Variants in LRPAP1 observed in about 807,000 individuals in gnomAD.
LRPAP1 encodes the protein alpha-2-macroglobulin receptor-associated protein.
LRPAP1 carries 41 observed loss-of-function variants against 39.9 expected under a neutral mutation model. The ratio of observed to expected loss-of-function variants is 1.03; its 90% CI spans 0.80 to 1.33. The LOEUF is 1.33. Among genes scored for constraint, LRPAP1 ranks in the 40% most tolerant of loss-of-function variants. The pLI, the probability that LRPAP1 is intolerant of heterozygous loss-of-function variation, is 0.00. For synonymous variants in LRPAP1, 263 were observed against 212.7 expected (o/e 1.24, Z -2.06); for missense variants, 565 against 482.3 (o/e 1.17, Z -1.61).
At chr4:3,529,423 G>A (rs1164631338) in intron 1 of LRPAP1, among the ~76,000 whole-genome samples, 2 of 152,222 alleles carry the variant, frequency 1.3e-5, no homozygotes, top group Admixed American at 1.3e-4. Flanking sequence ...GTACACGAGT[G>A]TGTCCCTGAG....
intron 1 of LRPAP1, among the ~76,000 whole-genome samples, chr4:3,531,187 C>T (rs1401036496): frequency 1.3e-5 from 2 of 152,128 alleles, no homozygotes; most frequent in Non-Finnish European, 2.9e-5. Context: ...ACTGCTGGTC[C>T]CAGGAGCAGT....
At chr4:3,524,022 T>C (rs941163555) in intron 2 of LRPAP1, among the ~76,000 whole-genome samples, 4 of 151,942 alleles carry the variant, frequency 2.6e-5, no homozygotes, top group African/African-American at 7.3e-5. Context: ...GGGGCAGCAG[T>C]TGGGTGGAGG....
At chr4:3,532,084 G>C in intron 1 of LRPAP1, 125 bp downstream of exon 1, 2 of 1,079,802 alleles carry the variant, frequency 1.9e-6, no homozygotes, top group Admixed American at 5.2e-5. Flanking sequence ...CAAGGACAGG[G>C]CGCGTAGGGC....
chr4:3,527,909 C>T (rs747894886), intron 1 of LRPAP1, among the ~76,000 whole-genome samples: 47 of 152,224 alleles, frequency 3.1e-4, no homozygotes, highest in Non-Finnish European at 1.2e-4. Flanking sequence ...AATCTGCAAC[C>T]CACAGGGGAA....
chr4:3,522,021 A>G (rs1338937029), intron 2 of LRPAP1, among the ~76,000 whole-genome samples: 2 of 152,252 alleles, frequency 1.3e-5, no homozygotes, highest in African/African-American at 4.8e-5. Context: ...GGGATGAGAA[A>G]ATAAATGAAA....
chr4:3,514,761 C>T lies in LRPAP1; in HGVS notation c.1002G>A (p.Leu334=), dbSNP rs757078554. 3.3e-5 allele frequency: 53 copies of T among 1,608,518 alleles called. No homozygotes were observed. Among genetic ancestry groups the T allele is most frequent in the Admixed American group, 6.7e-5 (4 of 59,886 alleles). Residue 334 remains leucine, a synonymous_variant, in exon 7 of 8, where the codon CTG becomes CTA. Transcript: ENST00000650182. ...TGGAACCCGTGCGCACCGTGTAGCC[C>T]AGCTCCTTGGTCCGCCCCTCCAGCA... The part of the protein sequence containing the change: ...HALLEGRTKE[L]GYTVKKHLQD...
rs932694947 is a variant in LRPAP1 at position 3,520,918 on chromosome 4, C to T, written c.350-725G>A. On this transcript the variant is annotated intron_variant, in intron 2 of 7. Transcript: ENST00000650182. Reference sequence around the variant, plus strand: ...TCTGTGGGCTGTGTCTGTCACCACACGCTGCCACCAACATGATATGAAAGC... The same window carrying T: ...TCTGTGGGCTGTGTCTGTCACCACATGCTGCCACCAACATGATATGAAAGC... 3.3e-5 allele frequency among the ~76,000 whole-genome samples: 5 copies of T among 152,358 alleles called. No individual in the cohort carries two copies. In the South Asian group the frequency reaches 8.3e-4, roughly 25 times the overall value.
chr4:3,522,876 T>A (rs1327797234), intron 2 of LRPAP1, among the ~76,000 whole-genome samples: 4 of 151,952 alleles, frequency 2.6e-5, no homozygotes, highest in Non-Finnish European at 5.9e-5. Flanking sequence ...GCATGGAGGG[T>A]GCCAAGGGCA....
chr4:3,518,829 G>T, intron 4 of LRPAP1, 42 bp downstream of exon 4: 1 of 1,321,534 alleles, frequency 7.6e-7, no homozygotes, highest in Non-Finnish European at 1.0e-6. Context: ...GGGGCAGGAG[G>T]GGGTGGGGCA....
At chr4:3,522,271 G>C (rs1348702337) in intron 2 of LRPAP1, among the ~76,000 whole-genome samples, 1 of 152,240 alleles carries the variant, frequency 6.6e-6, no homozygotes, top group African/African-American at 2.4e-5. Context: ...CCTGGCTCAA[G>C]CCTTCCTAGT....
chr4:3,532,392 C>T lies in LRPAP1; in HGVS notation c.21G>A (p.Arg7=), dbSNP rs201770716. The change falls in exon 1 of 8, where the codon AGG becomes AGA. Residue 7 remains arginine, a synonymous_variant. Coordinates refer to ENST00000650182, the MANE Select transcript of LRPAP1 (RefSeq NM_002337.4). The stretch of plus-strand genomic sequence containing the variant: ...GCGCCGGGAGCCCGCGCAGAAACGA[C>T]CTGACCCTCCGCGGCGCCATCTTCC... The part of the protein sequence containing the change: MAPRRV[R]SFLRGLPALL... 3.1e-5 allele frequency: 49 copies of T among 1,584,292 alleles called. 1 individual carries two copies. The East Asian group carries it at 7.1e-4, about 23-fold the overall frequency.
At chr4:3,528,333 C>T (rs944280521) in intron 1 of LRPAP1, among the ~76,000 whole-genome samples, 2 of 152,174 alleles carry the variant, frequency 1.3e-5, no homozygotes, top group African/African-American at 2.4e-5. Flanking sequence ...CAAGCAGAGC[C>T]GACCGTGTCC....
At chr4:3,521,390 C>T (rs1257300167) in intron 2 of LRPAP1, among the ~76,000 whole-genome samples, 2 of 152,152 alleles carry the variant, frequency 1.3e-5, no homozygotes, top group Admixed American at 6.5e-5. Context: ...GGCCTTCACC[C>T]GTGACCCTAC....
At chr4:3,522,011 G>A (rs1026420214) in intron 2 of LRPAP1, among the ~76,000 whole-genome samples, 67 of 152,316 alleles carry the variant, frequency 4.4e-4, no homozygotes, top group African/African-American at 1.3e-3. Context: ...CCGGCTGTGG[G>A]GGATGAGAAA....
At chr4:3,518,677 G>A (rs1263317878) in intron 4 of LRPAP1, among the ~76,000 whole-genome samples, 194 bp downstream of exon 4, 1 of 151,996 alleles carries the variant, frequency 6.6e-6, no homozygotes, top group Non-Finnish European at 1.5e-5. Flanking sequence ...CCCAGAGCCT[G>A]CCTGCACAGC....
chr4:3,525,997 A>C (rs1397718298), intron 1 of LRPAP1, among the ~76,000 whole-genome samples: 1 of 152,182 alleles, frequency 6.6e-6, no homozygotes, highest in East Asian at 1.9e-4. Context: ...AGGGAAGCGA[A>C]GGCTCTTCCG....
At position 3,503,644 on chromosome 4, in the gene LRPAP1, G is replaced by A. The variant is rs746117965; in HGVS notation, c.*9330C>T. The A allele has an allele frequency of 1.3e-5, 2 of 152,236 alleles. No individual in the cohort carries two copies. The highest frequency in any genetic ancestry group is 2.9e-5 in the Non-Finnish European group (2 of 68,044). The allele number at this position is 152,236 out of a possible 1,614,324, so 9.4% of individuals were successfully genotyped here. ...AATGAGAAAATATTTTGAACTGAAT[G>A]GCAGTGAAAACACTACACATCAAAA... On this transcript the variant is annotated 3_prime_UTR_variant, in exon 8 of 8. Transcript: ENST00000650182.
rs1729576415 is a variant in LRPAP1 at position 3,512,957 on chromosome 4, T to G, written c.*17A>C. 6.2e-7 allele frequency: 1 copy of G among 1,606,096 alleles called. No homozygotes were observed. The highest frequency in any genetic ancestry group is 8.5e-7 in the Non-Finnish European group (1 of 1,176,854). ...CACGCTGGCCTCTTCCCTGCCGGGC[T>G]GGGCTCCCCAATGCCTTCAGAGTTC... On this transcript the variant is annotated 3_prime_UTR_variant, in exon 8 of 8. Transcript: ENST00000650182.
At chr4:3,516,945 C>A (rs1206998838) in intron 5 of LRPAP1, among the ~76,000 whole-genome samples, 2 of 152,250 alleles carry the variant, frequency 1.3e-5, no homozygotes, top group Non-Finnish European at 2.9e-5. Context: ...CTGGACACAA[C>A]TGCCTTGGGG....
Sources: allele counts gnomAD v4.1 joint callset (sites outside exome capture counted in the v4.1 genomes callset), GRCh38; gene constraint gnomAD v4.1.1; transcripts MANE v1.5; gene names NCBI Gene and HGNC (gene_info 2026-07-23, HGNC 2026-07-21).